The following AHCYL2 variants were observed in gnomAD, a reference collection of about 807,000 sequenced individuals.
The protein encoded by AHCYL2 is S-adenosylhomocysteine hydrolase-like protein 2.
In AHCYL2, 28 loss-of-function variants were observed where a neutral mutation model predicts 81.4. The observed-to-expected ratio is 0.34, with a 90% CI of 0.25 to 0.47. AHCYL2 has a LOEUF of 0.47. Among genes scored for constraint, AHCYL2 ranks in the 20% least tolerant of loss-of-function variants. The probability of loss-of-function intolerance (pLI) is 1.00; values close to 1 mark genes in which losing one functional copy is unlikely to be tolerated. For synonymous variants in AHCYL2, 272 were observed against 290.2 expected (o/e 0.94, Z 0.64); for missense variants, 551 against 785.1 (o/e 0.70, Z 3.56).
chr7:129,325,203 C>T (rs1333358248), intron 1 of AHCYL2, among the ~76,000 whole-genome samples: 1 of 151,986 alleles, frequency 6.6e-6, no homozygotes, highest in East Asian at 1.9e-4. Flanking sequence ...TCTTGTACTG[C>T]AAGCCTGGTA....
rs1291400719 is a variant in AHCYL2, at chr7:129,403,495, G to A, written c.1025+10G>A. The A allele has an allele frequency of 6.4e-7, 1 of 1,563,310 alleles. No homozygotes were observed. The highest frequency in any genetic ancestry group is 8.8e-7 in the Non-Finnish European group (1 of 1,141,558). On this transcript the variant is annotated intron_variant, in intron 7 of 16. Coordinates refer to ENST00000325006, the MANE Select transcript of AHCYL2 (RefSeq NM_015328.4). Reference sequence around the variant, plus strand: ...TTACTGGAGTTCACAGGTAAGATTTGACATGGGCATACCTGGTTTTATGCA... The same window carrying A: ...TTACTGGAGTTCACAGGTAAGATTTAACATGGGCATACCTGGTTTTATGCA...
chr7:129,317,418 A>G (rs900822417), intron 1 of AHCYL2, among the ~76,000 whole-genome samples: 2 of 152,348 alleles, frequency 1.3e-5, no homozygotes. Context: ...GGAGGGAGCC[A>G]GGAGTAGGCA....
intron 1 of AHCYL2, among the ~76,000 whole-genome samples, chr7:129,373,361 C>T (rs949581298): frequency 2.0e-5 from 3 of 151,740 alleles, no homozygotes; most frequent in Admixed American, 6.6e-5. Flanking sequence ...CTGGCTAACA[C>T]GAAGTAAGTG....
rs143974039 is a variant in AHCYL2 at position 129,413,685 on chromosome 7, C to T, written c.1458C>T (p.Asp486=). 1.4e-5 allele frequency: 22 copies of T among 1,613,460 alleles called. No homozygotes were observed. The highest frequency in any genetic ancestry group is 2.2e-5 in the South Asian group (2 of 91,078). The part of the protein sequence containing the change: ...CNMGHSNTEI[D]VASLRTPELT... ...TGGGACATTCCAACACAGAGATTGA[C>T]GTGGTAAGATCAAGTAGCTCATTAT... The change falls in exon 12 of 17, where the codon GAC becomes GAT. Residue 486 remains aspartate (D), a synonymous_variant. Coordinates refer to ENST00000325006, the MANE Select transcript of AHCYL2 (RefSeq NM_015328.4).
intron 1 of AHCYL2, among the ~76,000 whole-genome samples, chr7:129,345,575 GTGT>G (rs1793333110): frequency 6.6e-6 from 1 of 152,174 alleles, no homozygotes; most frequent in Non-Finnish European, 1.5e-5. Flanking sequence ...GAGAGTGAAG[GTGT>G]TGTTGTGGTT....
At chr7:129,387,484 A>G (rs1170029106) in intron 2 of AHCYL2, among the ~76,000 whole-genome samples, 1 of 152,244 alleles carries the variant, frequency 6.6e-6, no homozygotes, top group Non-Finnish European at 1.5e-5. Flanking sequence ...GGGAAGCATA[A>G]AAATCATCAT....
intron 1 of AHCYL2, among the ~76,000 whole-genome samples, chr7:129,344,579 G>A (rs1014059709): frequency 2.8e-4 from 43 of 152,302 alleles, no homozygotes; most frequent in African/African-American, 9.6e-4. Context: ...GCCTCGGGTT[G>A]TGATAGTAGT....
chr7:129,268,658 G>A (rs1795900069), intron 1 of AHCYL2, among the ~76,000 whole-genome samples: 2 of 152,166 alleles, frequency 1.3e-5, no homozygotes, highest in South Asian at 2.1e-4. Context: ...GGCCGCTTGT[G>A]CTTTCTTGGG....
At chr7:129,415,283 T>A (rs1410023652) in intron 12 of AHCYL2, among the ~76,000 whole-genome samples, 1 of 152,248 alleles carries the variant, frequency 6.6e-6, no homozygotes, top group African/African-American at 2.4e-5. Context: ...GAAGTATTCA[T>A]GTCATGCCCT....
chr7:129,385,998 CATTT>C (rs1795183178), intron 2 of AHCYL2, among the ~76,000 whole-genome samples: 1 of 152,078 alleles, frequency 6.6e-6, no homozygotes, highest in African/African-American at 2.4e-5. Context: ...TTTATTTATT[CATTT>C]ATTTATAATT....
intron 1 of AHCYL2, among the ~76,000 whole-genome samples, chr7:129,365,512 G>A (rs1268077103): frequency 6.6e-6 from 1 of 151,958 alleles, no homozygotes; most frequent in Admixed American, 6.6e-5. Flanking sequence ...GTAAGTGGCA[G>A]AGGCAGGATT....
chr7:129,263,129 G>C (rs1330712407), intron 1 of AHCYL2, among the ~76,000 whole-genome samples: 2 of 152,176 alleles, frequency 1.3e-5, no homozygotes, highest in Non-Finnish European at 2.9e-5. Context: ...AGTTTAGTCT[G>C]TTATGTTGTG....
At chr7:129,365,741 G>A (rs1280051712) in intron 1 of AHCYL2, among the ~76,000 whole-genome samples, 1 of 151,246 alleles carries the variant, frequency 6.6e-6, no homozygotes, top group African/African-American at 2.4e-5. Context: ...TTTGGTGGAG[G>A]AGGGCACAGA....
chr7:129,231,147 A>G (rs961603267), intron 1 of AHCYL2, among the ~76,000 whole-genome samples: 2 of 151,898 alleles, frequency 1.3e-5, no homozygotes, highest in African/African-American at 4.8e-5. Flanking sequence ...CAGGAGAATC[A>G]CTTGAATGCT....
intron 1 of AHCYL2, among the ~76,000 whole-genome samples, chr7:129,352,937 C>CTTTTTTTTTTT (rs59762582): frequency 1.8e-4 from 15 of 82,546 alleles, no homozygotes; most frequent in Non-Finnish European, 3.1e-4. Context: ...CCTCCTCATT[C>CTTTTTTTTTTT]TTTTTTTTTT....
intron 1 of AHCYL2, among the ~76,000 whole-genome samples, chr7:129,273,193 C>T (rs556259646): frequency 2.6e-5 from 4 of 152,076 alleles, no homozygotes; most frequent in South Asian, 2.1e-4. Context: ...TGAGCCACTG[C>T]GCCTAGCCTG....
At chr7:129,373,521 C>T (rs566593566) in intron 1 of AHCYL2, among the ~76,000 whole-genome samples, 8 of 151,946 alleles carry the variant, frequency 5.3e-5, no homozygotes, top group Non-Finnish European at 8.8e-5. Flanking sequence ...AATCACTTGA[C>T]CCCGGGAGGT....
chr7:129,318,608 C>T (rs1563194378), intron 1 of AHCYL2, among the ~76,000 whole-genome samples: 2 of 152,112 alleles, frequency 1.3e-5, no homozygotes, highest in Non-Finnish European at 1.5e-5. Context: ...AAAATAAACT[C>T]GTCTCCATAC....
At chr7:129,330,470 A>ATTTTTTTTTTTTTT (rs34481793) in intron 1 of AHCYL2, among the ~76,000 whole-genome samples, 1 of 139,160 alleles carries the variant, frequency 7.2e-6, no homozygotes, top group African/African-American at 2.7e-5. Flanking sequence ...ACTCTGGTAC[A>ATTTTTTTTTTTTTT]TTTTTTTTTT....
Sources: allele counts gnomAD v4.1 joint callset (sites outside exome capture counted in the v4.1 genomes callset), GRCh38; gene constraint gnomAD v4.1.1; transcripts MANE v1.5; gene names NCBI Gene and HGNC (gene_info 2026-07-23, HGNC 2026-07-21).